The following ARL8B variants were observed in gnomAD, a reference collection of about 807,000 sequenced individuals.
ARL8B encodes the protein ADP-ribosylation factor-like protein 8B.
Under a neutral mutation model 30.6 loss-of-function variants are expected in ARL8B, and 9 were observed. That is an observed-to-expected ratio of 0.29 (90% confidence interval 0.18 to 0.51). ARL8B has a LOEUF of 0.51. Ranked by LOEUF, ARL8B falls within the 20% of genes least tolerant of loss-of-function variation. ARL8B has a pLI of 0.97. For missense variants in ARL8B, 130 were observed against 227.2 expected, an observed-to-expected ratio of 0.57 and a Z score of 2.75; for synonymous variants, 74 against 76.0, an observed-to-expected ratio of 0.97 and a Z score of 0.14.
At chr3:5,135,945 C>T (rs1312054356) in intron 1 of ARL8B, among the ~76,000 whole-genome samples, 3 of 151,380 alleles carry the variant, frequency 2.0e-5, no homozygotes, top group Admixed American at 6.6e-5. Context: ...TGCTGCCCCG[C>T]GTGGCTAATT....
intron 1 of ARL8B, among the ~76,000 whole-genome samples, chr3:5,166,517 T>C (rs1260192140): frequency 2.0e-5 from 3 of 151,890 alleles, no homozygotes; most frequent in Non-Finnish European, 4.4e-5. Flanking sequence ...TTTTATATTT[T>C]AGTAGAGGCA....
intron 1 of ARL8B, among the ~76,000 whole-genome samples, chr3:5,163,031 A>G (rs2054595376): frequency 7.6e-6 from 1 of 131,962 alleles, no homozygotes; most frequent in African/African-American, 3.1e-5. Flanking sequence ...TGTGTCACCC[A>G]GGCTGGAGTG....
intron 1 of ARL8B, among the ~76,000 whole-genome samples, chr3:5,154,460 G>A (rs149759379): frequency 1.3e-5 from 2 of 151,610 alleles, no homozygotes; most frequent in Non-Finnish European, 2.9e-5. Context: ...TCAGCCTCCC[G>A]AGTAGCTGGG....
At chr3:5,164,285 A>C (rs1330108203) in intron 1 of ARL8B, among the ~76,000 whole-genome samples, 4 of 152,186 alleles carry the variant, frequency 2.6e-5, no homozygotes, top group African/African-American at 7.2e-5. Flanking sequence ...GATTCTGTTC[A>C]TGAATTTTAC....
intron 4 of ARL8B, 64 bp from the exon 5 acceptor site, chr3:5,173,953 A>G (rs1296707055): frequency 3.0e-5 from 35 of 1,184,344 alleles, no homozygotes; most frequent in Non-Finnish European, 4.2e-5. Context: ...ACATATCAAG[A>G]TGATAAACTT....
At chr3:5,138,651 G>T (rs1273077783) in intron 1 of ARL8B, among the ~76,000 whole-genome samples, 3 of 152,022 alleles carry the variant, frequency 2.0e-5, no homozygotes, top group Admixed American at 2.0e-4. Flanking sequence ...TTCTTACTGC[G>T]CTTACTGCAC....
intron 6 of ARL8B, among the ~76,000 whole-genome samples, chr3:5,177,581 G>A (rs889560823): frequency 1.3e-5 from 2 of 151,114 alleles, no homozygotes; most frequent in South Asian, 4.2e-4. Context: ...TCAGCCTCCC[G>A]AGTAGCTGGG....
At chr3:5,156,418 G>C (rs1218049207) in intron 1 of ARL8B, among the ~76,000 whole-genome samples, 2 of 144,512 alleles carry the variant, frequency 1.4e-5, no homozygotes, top group Admixed American at 1.4e-4. Flanking sequence ...TTGTTCGTTT[G>C]TTTGGTTTTG....
chr3:5,123,130 T>C (rs1369009404), intron 1 of ARL8B, among the ~76,000 whole-genome samples: 1 of 152,194 alleles, frequency 6.6e-6, no homozygotes, highest in East Asian at 1.9e-4. Flanking sequence ...CTAATTCAGT[T>C]ACTTGTTTTC....
intron 1 of ARL8B, among the ~76,000 whole-genome samples, chr3:5,166,800 G>A (rs1418473983): frequency 6.6e-6 from 1 of 152,202 alleles, no homozygotes; most frequent in Admixed American, 6.5e-5. Context: ...GGTAAGTGCT[G>A]CAAAGTGGAG....
intron 6 of ARL8B, among the ~76,000 whole-genome samples, chr3:5,177,969 A>G (rs1575577298): frequency 6.6e-6 from 1 of 152,160 alleles, no homozygotes; most frequent in Non-Finnish European, 1.5e-5. Context: ...TCGTTAATGC[A>G]TGTTAGCTGG....
intron 1 of ARL8B, among the ~76,000 whole-genome samples, chr3:5,123,588 C>T (rs1214319986): frequency 6.6e-6 from 1 of 152,176 alleles, no homozygotes; most frequent in East Asian, 1.9e-4. Context: ...AGTTTTAGAA[C>T]TGTTCTGAAG....
chr3:5,127,901 A>T (rs550205416), intron 1 of ARL8B, among the ~76,000 whole-genome samples: 1 of 144,172 alleles, frequency 6.9e-6, no homozygotes, highest in African/African-American at 2.5e-5. Flanking sequence ...AAAAAAAAAA[A>T]GCGGAGGGCC....
chr3:5,156,577 A>G (rs764043371), intron 1 of ARL8B, among the ~76,000 whole-genome samples: 3 of 152,144 alleles, frequency 2.0e-5, no homozygotes, highest in Middle Eastern at 3.4e-3. Context: ...CACCATGCCC[A>G]GTGAATTTTT....
At chr3:5,166,004 C>G (rs2054620495) in intron 1 of ARL8B, among the ~76,000 whole-genome samples, 1 of 151,828 alleles carries the variant, frequency 6.6e-6, no homozygotes, top group Non-Finnish European at 1.5e-5. Context: ...AGAATAGTTG[C>G]ACCCGCCCCC....
At chr3:5,162,082 C>T (rs2054589234) in intron 1 of ARL8B, among the ~76,000 whole-genome samples, 1 of 152,220 alleles carries the variant, frequency 6.6e-6, no homozygotes, top group South Asian at 2.1e-4. Flanking sequence ...GCTGTCAAGG[C>T]ACACAAAATG....
In ARL8B at chr3:5,172,713, A is replaced by G. The variant is rs779549352; in HGVS notation, c.345A>G (p.Leu115=). The change falls in exon 4 of 7, where the codon CTA becomes CTG. Residue 115 remains leucine, a synonymous_variant. Coordinates refer to ENST00000256496, the MANE Select transcript of ARL8B (RefSeq NM_018184.3). Reference sequence around the variant, plus strand: ...CCCGAAATGAGCTACATAATCTTCTAGATAAACCACAGTTACAAGGAATTC... The same window carrying G: ...CCCGAAATGAGCTACATAATCTTCTGGATAAACCACAGTTACAAGGAATTC... The part of the protein sequence containing the change: ...EASRNELHNL[L]DKPQLQGIPV... The G allele has an allele frequency of 1.4e-5, 23 of 1,610,648 alleles. No homozygotes were observed. Among genetic ancestry groups the G allele is most frequent in the Non-Finnish European group, 1.3e-5 (15 of 1,177,628 alleles).
intron 1 of ARL8B, among the ~76,000 whole-genome samples, chr3:5,149,923 C>T (rs531621955): frequency 6.6e-6 from 1 of 152,290 alleles, no homozygotes; most frequent in African/African-American, 2.4e-5. Context: ...TGCACAAATC[C>T]TTTAGTTTGT....
At chr3:5,174,154 T>G in intron 5 of ARL8B, 70 bp downstream of exon 5, 1 of 1,386,534 alleles carries the variant, frequency 7.2e-7, no homozygotes, top group South Asian at 1.2e-5. Flanking sequence ...TGTTATGTTA[T>G]TCCTAATGAT....
Sources: gnomAD v4.1 joint callset for allele counts (sites outside exome capture counted in the v4.1 genomes callset) on GRCh38, gnomAD v4.1.1 for gene constraint, MANE v1.5 for transcripts, NCBI Gene and HGNC (gene_info 2026-07-23, HGNC 2026-07-21) for gene names.